SLC25A33: variants seen among roughly 807,000 people sequenced by gnomAD.
SLC25A33 encodes bone marrow stromal cell mitochondrial carrier protein.
Under a neutral mutation model 35.5 loss-of-function variants are expected in SLC25A33, and 15 were observed. The observed-to-expected ratio is 0.42, with a 90% CI of 0.28 to 0.65. The LOEUF is 0.65. SLC25A33 is among the 30% of genes least tolerant of loss of function. The pLI is 0.20. For missense variants in SLC25A33, 257 were observed against 398.5 expected (o/e 0.64, Z 3.02); for synonymous variants, 136 against 148.7 (o/e 0.91, Z 0.62).
chr1:9,553,213 T>TG (rs1643292749), intron 1 of SLC25A33, among the ~76,000 whole-genome samples: 3 of 133,492 alleles, frequency 2.2e-5, no homozygotes, highest in East Asian at 2.1e-4. Context: ...GTTTTTTTTT[T>TG]TTTTTTTTTT....
At position 9,576,501 on chromosome 1, in the gene SLC25A33, TACTGTG is replaced by T. The variant is rs1643662372; in HGVS notation, c.482+3091_482+3096del. On this transcript the variant is annotated intron_variant, in intron 5 of 6. Coordinates refer to ENST00000302692, the MANE Select transcript of SLC25A33 (RefSeq NM_032315.3). Reference sequence around the variant, plus strand: ...ACATTACCCTGAAGAGATGCACAGTTACTGTGAATGGCCCCAGAGGAACCATGCAGA... The same window carrying T: ...ACATTACCCTGAAGAGATGCACAGTTAATGGCCCCAGAGGAACCATGCAGA... The T allele has an allele frequency of 5.9e-6, 3 of 505,330 alleles. No individual in the cohort carries two copies. In the Admixed American group the frequency reaches 6.2e-5, roughly 10 times the overall value. 31.3% of individuals were successfully genotyped at this position (505,330 alleles called of 1,614,324 possible). A position where few individuals can be genotyped will look rare whatever the true frequency, so the allele number is the denominator to read the frequency against.
intron 2 of SLC25A33, 86 bp from the exon 3 acceptor site, chr1:9,567,198 G>T: frequency 9.2e-7 from 1 of 1,087,374 alleles, no homozygotes; most frequent in Non-Finnish European, 1.4e-6. Flanking sequence ...ATTCTCTCAA[G>T]GAACTAATGA....
intron 1 of SLC25A33, among the ~76,000 whole-genome samples, chr1:9,543,453 C>G (rs1195502215): frequency 6.6e-6 from 1 of 152,132 alleles, no homozygotes; most frequent in Non-Finnish European, 1.5e-5. Context: ...CCTGTCATTC[C>G]TTTTCTATTG....
intron 3 of SLC25A33, among the ~76,000 whole-genome samples, chr1:9,569,880 G>C (rs1455410322): frequency 1.3e-5 from 2 of 151,970 alleles, no homozygotes; most frequent in Admixed American, 1.3e-4. Context: ...TTCTCATTTT[G>C]GCACAGGGTG....
intron 1 of SLC25A33, among the ~76,000 whole-genome samples, chr1:9,546,235 A>G (rs1643167011): frequency 8.6e-6 from 1 of 116,814 alleles, no homozygotes; most frequent in African/African-American, 3.4e-5. Context: ...CCCAGGCTGG[A>G]GTGCAGTGGT....
chr1:9,584,631 T>G lies in SLC25A33; in HGVS notation c.*2130T>G, dbSNP rs976934888. On this transcript the variant is annotated 3_prime_UTR_variant, in exon 7 of 7. Coordinates refer to ENST00000302692, the MANE Select transcript of SLC25A33 (RefSeq NM_032315.3). The stretch of plus-strand genomic sequence containing the variant: ...CCAGGCTGGTCTCAAACTCTTGACC[T>G]CAGGTGATCTACCCGCCTCGGCCTC... 6.6e-6 allele frequency: 1 copy of G among 152,158 alleles called. No individual in the cohort carries two copies. The highest frequency in any genetic ancestry group is 2.4e-5 in the African/African-American group (1 of 41,416). 9.4% of individuals were successfully genotyped at this position (152,158 alleles called of 1,614,324 possible). A position where few individuals can be genotyped will look rare whatever the true frequency, so the allele number is the denominator to read the frequency against.
intron 5 of SLC25A33, among the ~76,000 whole-genome samples, chr1:9,577,389 A>T (rs1015445961): frequency 4.0e-5 from 6 of 151,702 alleles, no homozygotes; most frequent in African/African-American, 1.5e-4. Context: ...CTGAAGCAGG[A>T]GAATTGCTTG....
At chr1:9,560,793 AAG>A (rs1643413271) in intron 2 of SLC25A33, among the ~76,000 whole-genome samples, 1 of 152,090 alleles carries the variant, frequency 6.6e-6, no homozygotes, top group Non-Finnish European at 1.5e-5. Flanking sequence ...AAAAAGCAAA[AAG>A]GCAATATGTT....
At chr1:9,570,914 C>T (rs1643581270) in intron 4 of SLC25A33, among the ~76,000 whole-genome samples, 1 of 151,942 alleles carries the variant, frequency 6.6e-6, no homozygotes, top group Non-Finnish European at 1.5e-5. Flanking sequence ...GGTTTCACCA[C>T]ATTGCCCGGG....
chr1:9,540,531 C>T (rs969886830), intron 1 of SLC25A33, among the ~76,000 whole-genome samples: 1 of 152,020 alleles, frequency 6.6e-6, no homozygotes, highest in African/African-American at 2.4e-5. Flanking sequence ...CCCCTTGTCA[C>T]CTCCCGCCGA....
chr1:9,551,987 G>A (rs1265236484), intron 1 of SLC25A33, among the ~76,000 whole-genome samples: 1 of 152,160 alleles, frequency 6.6e-6, no homozygotes, highest in African/African-American at 2.4e-5. Flanking sequence ...TGGTAGAATT[G>A]TTTAAGAGAT....
Position 9,583,008 on chromosome 1 carries a change from T to A in SLC25A33, c.*507T>A, listed in dbSNP as rs970893480. The A allele has an allele frequency of 2.0e-5, 3 of 152,944 alleles. No individual in the cohort carries two copies. Among genetic ancestry groups the A allele is most frequent in the Non-Finnish European group, 4.4e-5 (3 of 68,582 alleles). 9.5% of individuals were successfully genotyped at this position (152,944 alleles called of 1,614,324 possible). On this transcript the variant is annotated 3_prime_UTR_variant, in exon 7 of 7. Coordinates refer to ENST00000302692, the MANE Select transcript of SLC25A33 (RefSeq NM_032315.3). ...GGGAGGCCGAGGCAGATGGATCACGTGAAGTCAGGAGTTCCAGACCAGCCT... is the reference window on the plus strand; with the variant it reads ...GGGAGGCCGAGGCAGATGGATCACGAGAAGTCAGGAGTTCCAGACCAGCCT...
In SLC25A33 at chr1:9,584,131, A is replaced by AT. The variant is rs1394418022; in HGVS notation, c.*1632dup. 1 of 152,198 alleles carries AT rather than the reference A, an allele frequency of 6.6e-6. No homozygotes were observed. Among genetic ancestry groups the AT allele is most frequent in the African/African-American group, 2.4e-5 (1 of 41,450 alleles). 9.4% of individuals were successfully genotyped at this position (152,198 alleles called of 1,614,324 possible). On this transcript the variant is annotated 3_prime_UTR_variant, in exon 7 of 7. Transcript: ENST00000302692. ...AGCTCTTTCACTGGAATTTGAGTATATTGTACATGAAGGTTGGTTTTCAAT... is the reference window on the plus strand; with the variant it reads ...AGCTCTTTCACTGGAATTTGAGTATATTTGTACATGAAGGTTGGTTTTCAAT...
chr1:9,575,745 C>A (rs1643654538), intron 5 of SLC25A33, among the ~76,000 whole-genome samples: 1 of 152,180 alleles, frequency 6.6e-6, no homozygotes, highest in Non-Finnish European at 1.5e-5. Context: ...CAAGTTCGCC[C>A]AATCAATCTA....
chr1:9,567,284 G>T lies in SLC25A33; in HGVS notation c.237G>T (p.Lys79Asn). Residue 79 changes from lysine to asparagine, a missense_variant and splice_region_variant, in exon 3 of 7, where the codon AAG (lysine) becomes AAT (asparagine). Physicochemically the swap from Lys to Asn is moderately conservative, Grantham distance 94. Coordinates refer to ENST00000302692, the MANE Select transcript of SLC25A33 (RefSeq NM_032315.3). ...AGGTTTGTCTTTTCTTATTATTCAGGTCGATCTTGGAGAAAGAGGGACCAA... is the reference window on the plus strand; with the variant it reads ...AGGTTTGTCTTTTCTTATTATTCAGTTCGATCTTGGAGAAAGAGGGACCAA... ...SVTPGLFQVL[K>N]SILEKEGPKS... 6.2e-7 allele frequency: 1 copy of T among 1,613,774 alleles called. No homozygotes were observed. Among genetic ancestry groups the T allele is most frequent in the Non-Finnish European group, 8.5e-7 (1 of 1,179,876 alleles).
intron 2 of SLC25A33, among the ~76,000 whole-genome samples, chr1:9,560,831 A>G (rs1310824811): frequency 1.3e-5 from 2 of 152,098 alleles, no homozygotes; most frequent in South Asian, 2.1e-4. Flanking sequence ...CTGCTATTAA[A>G]TGTGCCAGAG....
At chr1:9,560,597 C>T (rs1643409769) in intron 2 of SLC25A33, among the ~76,000 whole-genome samples, 1 of 152,038 alleles carries the variant, frequency 6.6e-6, no homozygotes, top group Non-Finnish European at 1.5e-5. Flanking sequence ...AATAGTCTTA[C>T]TCATTTGGGG....
intron 3 of SLC25A33, 83 bp downstream of exon 3, chr1:9,567,444 A>C: frequency 1.0e-5 from 13 of 1,255,688 alleles, no homozygotes; most frequent in Non-Finnish European, 1.1e-6. Context: ...ATGCTGCTGA[A>C]TGACCAGTGT....
chr1:9,566,919 T>A (rs1361969885), intron 2 of SLC25A33, among the ~76,000 whole-genome samples: 1 of 151,852 alleles, frequency 6.6e-6, no homozygotes, highest in African/African-American at 2.4e-5. Flanking sequence ...TCCCAGCTAC[T>A]TGGGAGGCTG....
Sources: gnomAD v4.1 joint callset for allele counts (sites outside exome capture counted in the v4.1 genomes callset) on GRCh38, gnomAD v4.1.1 for gene constraint, MANE v1.5 for transcripts, NCBI Gene and HGNC (gene_info 2026-07-23, HGNC 2026-07-21) for gene names.